The following SLC12A6 variants were observed in gnomAD, a reference collection of about 807,000 sequenced individuals.
The protein encoded by SLC12A6 is K-Cl cotransporter 3.
SLC12A6 carries 66 observed loss-of-function variants against 135.3 expected under a neutral mutation model. The ratio of observed to expected loss-of-function variants is 0.49; its 90% CI spans 0.40 to 0.60. The LOEUF is 0.60. Among genes scored for constraint, SLC12A6 ranks in the 20% least tolerant of loss-of-function variants. The pLI, the probability that SLC12A6 is intolerant of heterozygous loss-of-function variation, is 0.00. For missense variants in SLC12A6, 1,058 were observed against 1,452.3 expected (o/e 0.73, Z 4.41); for synonymous variants, 513 against 508.8 (o/e 1.01, Z -0.11).
At chr15:34,322,056 C>T (rs7176426) in intron 2 of SLC12A6, among the ~76,000 whole-genome samples, 26,408 of 152,128 alleles carry the variant, frequency 0.17, 2,505 homozygotes, top group East Asian at 0.32. Flanking sequence ...TCCACAGGTG[C>T]ATGCATTTAT....
At position 34,286,304 on chromosome 15, in the gene SLC12A6, C is replaced by A. The variant is rs555958540; in HGVS notation, c.272-10915G>T. Among the ~76,000 whole-genome samples, 671 of 151,638 alleles carry A rather than the reference C, an allele frequency of 4.4e-3. 1 individual carries two copies. The highest frequency in any genetic ancestry group is 5.5e-3 in the Non-Finnish European group (371 of 67,832). The stretch of plus-strand genomic sequence containing the variant: ...TTGTCCAGGCTGGCCTCAAACTCCT[C>A]ACCTCAAGTGATCTGCCCACCTCAG... On this transcript the variant is annotated intron_variant, in intron 2 of 25. Coordinates refer to ENST00000354181, the MANE Select transcript of SLC12A6 (RefSeq NM_001365088.1).
intron 13 of SLC12A6, among the ~76,000 whole-genome samples, chr15:34,249,441 C>T (rs556654071): frequency 6.6e-6 from 1 of 152,098 alleles, no homozygotes; most frequent in African/African-American, 2.4e-5. Flanking sequence ...GTGGTATGCA[C>T]CTGTGGTCCC....
At chr15:34,260,831 G>C in intron 4 of SLC12A6, 95 bp downstream of exon 4, 1 of 714,422 alleles carries the variant, frequency 1.4e-6, no homozygotes, top group Non-Finnish European at 2.6e-6. Context: ...AAATTATCCA[G>C]CTTGTAAAAT....
chr15:34,294,863 G>C (rs1039581113), intron 2 of SLC12A6, among the ~76,000 whole-genome samples: 1 of 152,154 alleles, frequency 6.6e-6, no homozygotes, highest in Non-Finnish European at 1.5e-5. Flanking sequence ...CCTTAAATAA[G>C]TGTTTAATGA....
intron 3 of SLC12A6, among the ~76,000 whole-genome samples, chr15:34,264,626 T>C (rs1893370054): frequency 6.6e-6 from 1 of 152,126 alleles, no homozygotes; most frequent in African/African-American, 2.4e-5. Context: ...AAAAGGCATT[T>C]TTGAAACAAA....
chr15:34,322,476 T>C (rs1272246351), intron 2 of SLC12A6, among the ~76,000 whole-genome samples: 1 of 152,248 alleles, frequency 6.6e-6, no homozygotes, highest in Non-Finnish European at 1.5e-5. Context: ...CATAATTATA[T>C]GAATTCTAAT....
intron 2 of SLC12A6, among the ~76,000 whole-genome samples, chr15:34,279,227 T>C (rs992445599): frequency 2.6e-5 from 4 of 151,928 alleles, no homozygotes; most frequent in Non-Finnish European, 5.9e-5. Context: ...AGGCAGAGAA[T>C]TGCTTGAACC....
intron 3 of SLC12A6, among the ~76,000 whole-genome samples, chr15:34,266,718 C>T (rs1192684459): frequency 1.3e-5 from 2 of 152,210 alleles, no homozygotes; most frequent in Non-Finnish European, 2.9e-5. Flanking sequence ...AGGTGTGAGC[C>T]ACCGGGCCTG....
At chr15:34,276,137 A>G (rs1011579706) in intron 2 of SLC12A6, among the ~76,000 whole-genome samples, 3 of 152,158 alleles carry the variant, frequency 2.0e-5, no homozygotes, top group Admixed American at 2.0e-4. Flanking sequence ...TTGCCACAAT[A>G]AAAAGTAAAT....
chr15:34,295,199 A>C (rs1316771055), intron 2 of SLC12A6, among the ~76,000 whole-genome samples: 2 of 152,208 alleles, frequency 1.3e-5, no homozygotes, highest in Admixed American at 1.3e-4. Context: ...CTCCAGGATG[A>C]TGCTGAAGAC....
At chr15:34,257,447 T>C (rs996207689) in intron 6 of SLC12A6, 195 bp downstream of exon 6, 2 of 579,576 alleles carry the variant, frequency 3.5e-6, no homozygotes, top group African/African-American at 3.7e-5. Context: ...CATCATATAA[T>C]AGATAGCAAG....
chr15:34,271,831 A>G (rs1449121583), intron 3 of SLC12A6, among the ~76,000 whole-genome samples: 3 of 152,186 alleles, frequency 2.0e-5, no homozygotes, highest in Non-Finnish European at 4.4e-5. Context: ...ATCCAATTCA[A>G]CAGCAAAGGT....
chr15:34,273,523 G>A (rs347821), intron 3 of SLC12A6, among the ~76,000 whole-genome samples: 111 of 152,250 alleles, frequency 7.3e-4, no homozygotes, highest in African/African-American at 2.6e-3. Flanking sequence ...GAGGGCTATG[G>A]TCTCATAAAC....
intron 2 of SLC12A6, among the ~76,000 whole-genome samples, chr15:34,301,948 C>A (rs1896288217): frequency 6.6e-6 from 1 of 152,182 alleles, no homozygotes; most frequent in South Asian, 2.1e-4. Context: ...GTTAAGACCA[C>A]TTTTTGTTTG....
chr15:34,313,485 A>G (rs1049742387), intron 2 of SLC12A6, among the ~76,000 whole-genome samples: 1 of 152,230 alleles, frequency 6.6e-6, no homozygotes, highest in African/African-American at 2.4e-5. Context: ...AAGTTGGTTC[A>G]TGAGGTTTAA....
At chr15:34,280,409 T>G (rs1325842347) in intron 2 of SLC12A6, among the ~76,000 whole-genome samples, 1 of 152,188 alleles carries the variant, frequency 6.6e-6, no homozygotes, top group African/African-American at 2.4e-5. Context: ...TCACAAAAGT[T>G]GTTTCAGGAA....
At chr15:34,332,492 T>C (rs1889917585) in intron 2 of SLC12A6, among the ~76,000 whole-genome samples, 1 of 152,174 alleles carries the variant, frequency 6.6e-6, no homozygotes, top group African/African-American at 2.4e-5. Context: ...TGAAATGTAT[T>C]AGGGACTGCA....
At chr15:34,324,398 CA>C (rs926855966) in intron 2 of SLC12A6, among the ~76,000 whole-genome samples, 7 of 152,014 alleles carry the variant, frequency 4.6e-5, no homozygotes, top group Non-Finnish European at 1.5e-5. Flanking sequence ...TATATTAGGC[CA>C]AATCTTACAC....
At chr15:34,250,175 G>C in intron 13 of SLC12A6, 123 bp downstream of exon 13, 1 of 767,410 alleles carries the variant, frequency 1.3e-6, no homozygotes, top group Non-Finnish European at 2.4e-6. Context: ...AAAGTGCCGG[G>C]ATTACAGGCA....
Sources: allele counts gnomAD v4.1 joint callset (sites outside exome capture counted in the v4.1 genomes callset), GRCh38; gene constraint gnomAD v4.1.1; transcripts MANE v1.5; gene names NCBI Gene and HGNC (gene_info 2026-07-23, HGNC 2026-07-21).